Variants in FHL1 observed in about 807,000 individuals in gnomAD.
FHL1 encodes four and a half LIM domains protein 1.
In FHL1, 1 loss-of-function variant was observed where a neutral mutation model predicts 20.3. The observed-to-expected ratio is 0.05, with a 90% CI of 0.02 to 0.23. The LOEUF (loss-of-function observed/expected upper bound fraction) is 0.23, where lower values mean the gene tolerates loss of function less well. Among genes scored for constraint, FHL1 ranks in the 10% least tolerant of loss-of-function variants. FHL1 has a pLI of 1.00. For synonymous variants in FHL1, 82 were observed against 88.9 expected (o/e 0.92, Z 0.44); for missense variants, 177 against 234.0 (o/e 0.76, Z 1.59).
chrX:136,187,543 C>A (rs772628446), intron 2 of FHL1, among the ~76,000 whole-genome samples: 6 of 112,128 alleles, frequency 5.4e-5, no homozygotes, highest in Non-Finnish European at 9.4e-5. Flanking sequence ...GGAAAGAAAT[C>A]TGCCACAAAA....
At chrX:136,190,129 G>A (rs924427198) in intron 2 of FHL1, among the ~76,000 whole-genome samples, 1 of 111,755 alleles carries the variant, frequency 8.9e-6, no homozygotes, top group Non-Finnish European at 1.9e-5. Context: ...AGCAAGAAGG[G>A]TGGGGATGTG....
At chrX:136,170,103 A>G (rs1416579847) in intron 2 of FHL1, 3 of 281,974 alleles carry the variant, frequency 1.1e-5, no homozygotes, top group African/African-American at 5.7e-5. Context: ...GTTCATTTTA[A>G]TTGACTCAAC....
intron 1 of FHL1, 73 bp downstream of exon 1, chrX:136,197,207 A>C: frequency 1.0e-6 from 1 of 979,029 alleles, no homozygotes; most frequent in Non-Finnish European, 1.4e-6. Context: ...TTGGGCTAAA[A>C]GATGGTTTTT....
intron 1 of FHL1, among the ~76,000 whole-genome samples, chrX:136,153,286 G>GA (rs1177976033): frequency 1.9e-5 from 2 of 103,108 alleles, no homozygotes; most frequent in Non-Finnish European, 4.0e-5. Flanking sequence ...GCGGGAGGTG[G>GA]GGGGGGGCAG....
chrX:136,161,897 C>T (rs1247965617), intron 1 of FHL1, among the ~76,000 whole-genome samples: 4 of 110,544 alleles, frequency 3.6e-5, no homozygotes, highest in Non-Finnish European at 7.6e-5. Flanking sequence ...CCGAGGCAGG[C>T]GGATCACTTG....
chrX:136,165,331 A>G (rs939902525), upstream of FHL1, among the ~76,000 whole-genome samples: 5 of 112,276 alleles, frequency 4.5e-5, no homozygotes, highest in South Asian at 1.8e-3. Context: ...TTCTTTTGTT[A>G]AAGAAAATGA....
chrX:136,150,010 CT>C (rs932491500), intron 1 of FHL1, among the ~76,000 whole-genome samples: 5 of 111,369 alleles, frequency 4.5e-5, no homozygotes, highest in Non-Finnish European at 9.4e-5. Flanking sequence ...GGTAAAAAAT[CT>C]TTTACAGAGA....
chrX:136,209,185 T>C (rs2073938508), intron 5 of FHL1: 3 of 1,128,342 alleles, frequency 2.7e-6, no homozygotes, highest in Admixed American at 2.8e-5. Context: ...CCTCCAATTT[T>C]CCCATCTTCC....
upstream of FHL1, chrX:136,197,001 TTG>T (rs1238557275): frequency 4.8e-6 from 5 of 1,044,381 alleles, no homozygotes; most frequent in Non-Finnish European, 6.6e-6. Flanking sequence ...TCGGTTATTT[TTG>T]TGTTAGCCGC....
intron 1 of FHL1, among the ~76,000 whole-genome samples, chrX:136,204,334 A>G (rs1341427074): frequency 8.9e-6 from 1 of 112,249 alleles, no homozygotes; most frequent in Non-Finnish European, 1.9e-5. Context: ...AAAGACCAAC[A>G]AGAATGGATT....
chrX:136,185,865 C>T (rs954147096), intron 2 of FHL1, among the ~76,000 whole-genome samples: 1 of 111,994 alleles, frequency 8.9e-6, no homozygotes, highest in Admixed American at 9.4e-5. Context: ...ACCTATGACT[C>T]AGAGCTGTGC....
At position 136,177,434 on chromosome X, in the gene FHL1, A is replaced by G. The variant is rs1453018729; in HGVS notation, c.-27+7454A>G. On this transcript the variant is annotated intron_variant, in intron 2 of 6. Coordinates refer to the FHL1 transcript ENST00000394153. ...TCTCTAAGGTAGGTAGAGTCAAACC[A>G]TCTTGGACTTCAGTTGGTTCAAATG... 2.7e-5 allele frequency among the ~76,000 whole-genome samples: 3 copies of G among 112,119 alleles called. No individual in the cohort carries two copies. The East Asian group carries it at 8.4e-4, about 31-fold the overall frequency.
At chrX:136,155,184 C>G (rs1386842889) in intron 1 of FHL1, among the ~76,000 whole-genome samples, 2 of 111,436 alleles carry the variant, frequency 1.8e-5, no homozygotes, top group African/African-American at 6.5e-5. Context: ...CCAGGCTCTC[C>G]GTGGATCCAT....
upstream of FHL1, chrX:136,147,060 C>G (rs1433255233): frequency 4.1e-5 from 11 of 265,295 alleles, no homozygotes; most frequent in Admixed American, 5.0e-4. Flanking sequence ...ACTTGGCTGT[C>G]TTTGTTGCTC....
upstream of FHL1, chrX:136,166,929 CTA>C (rs1156938855): frequency 8.9e-6 from 1 of 112,197 alleles, no homozygotes; most frequent in Non-Finnish European, 1.9e-5. Context: ...CTCCTTACCT[CTA>C]TGAGGTAGGT....
Position 136,190,504 on chromosome X carries a change from G to T in FHL1, c.-26-15903G>T, listed in dbSNP as rs757684109. On this transcript the variant is annotated intron_variant, in intron 2 of 6. Coordinates refer to the FHL1 transcript ENST00000394153. The stretch of plus-strand genomic sequence containing the variant: ...CAAAGAACGATTCGCGAATCAGGCG[G>T]CCTCTCGAACCAGAGTAGGCTAAGA... 6.9e-4 allele frequency among the ~76,000 whole-genome samples: 77 copies of T among 111,664 alleles called. 1 individual carries two copies. Among genetic ancestry groups the T allele is most frequent in the African/African-American group, 2.4e-3 (73 of 30,714 alleles).
chrX:136,146,840 T>C, upstream of FHL1: 1 of 329,546 alleles, frequency 3.0e-6, no homozygotes, highest in Non-Finnish European at 5.9e-6. Context: ...TAAAACGCTC[T>C]GGATGGTGGC....
At chrX:136,196,992 C>G (rs148925970), upstream of FHL1, 2,391 of 1,031,162 alleles carry the variant, frequency 2.3e-3, 1 homozygote, top group South Asian at 4.2e-3. Flanking sequence ...CATCTGCTCT[C>G]GGTTATTTTT....
intron 2 of FHL1, among the ~76,000 whole-genome samples, chrX:136,186,612 C>T (rs1057295473): frequency 9.0e-5 from 10 of 110,540 alleles, no homozygotes; most frequent in African/African-American, 1.6e-4. Context: ...CTGTACTACC[C>T]AGCACTTTGG....
Sources: allele counts gnomAD v4.1 joint callset (sites outside exome capture counted in the v4.1 genomes callset), GRCh38; gene constraint gnomAD v4.1.1; transcripts MANE v1.5; gene names NCBI Gene and HGNC (gene_info 2026-07-23, HGNC 2026-07-21).